Variants in OPCML observed in about 807,000 individuals in gnomAD.
OPCML encodes the protein opioid-binding protein/cell adhesion molecule.
OPCML carries 13 observed loss-of-function variants against 37.8 expected under a neutral mutation model. That is an observed-to-expected ratio of 0.34 (90% CI 0.22 to 0.55). The LOEUF is 0.55. Ranked by LOEUF, OPCML falls within the 20% of genes least tolerant of loss-of-function variation. OPCML has a pLI of 0.91. For synonymous variants in OPCML, 176 were observed against 168.8 expected (o/e 1.04, Z -0.33); for missense variants, 341 against 435.6 (o/e 0.78, Z 1.93).
intron 4 of OPCML, among the ~76,000 whole-genome samples, chr11:132,515,157 T>C (rs971565295): frequency 3.3e-5 from 5 of 152,132 alleles, no homozygotes; most frequent in African/African-American, 7.2e-5. Flanking sequence ...TTACTAAATC[T>C]TTCTCTTAGG....
intron 2 of OPCML, among the ~76,000 whole-genome samples, chr11:132,763,928 C>A (rs1409561241): frequency 6.6e-6 from 1 of 152,206 alleles, no homozygotes; most frequent in African/African-American, 2.4e-5. Flanking sequence ...AATAAATCAA[C>A]TTGTGAATAT....
chr11:132,663,833 G>T (rs1473961231), intron 2 of OPCML, among the ~76,000 whole-genome samples: 2 of 152,054 alleles, frequency 1.3e-5, no homozygotes, highest in Non-Finnish European at 2.9e-5. Context: ...GTTTGTTTTT[G>T]TTTTTGTTTT....
At chr11:132,425,278 T>G (rs902603980) in intron 7 of OPCML, among the ~76,000 whole-genome samples, 1 of 151,596 alleles carries the variant, frequency 6.6e-6, no homozygotes, top group Non-Finnish European at 1.5e-5. Context: ...ATATTTTTTT[T>G]AAACCATCAG....
At chr11:133,475,059 C>T (rs958165003) in intron 1 of OPCML, among the ~76,000 whole-genome samples, 1 of 152,128 alleles carries the variant, frequency 6.6e-6, no homozygotes, top group Non-Finnish European at 1.5e-5. Context: ...AGGCCTGAAA[C>T]AAGGAGGCCC....
At chr11:132,651,216 A>C (rs1941412180) in intron 3 of OPCML, among the ~76,000 whole-genome samples, 1 of 152,052 alleles carries the variant, frequency 6.6e-6, no homozygotes, top group South Asian at 2.1e-4. Flanking sequence ...TGTGTTGAAC[A>C]CTCTGGTGGC....
At chr11:132,733,601 T>C (rs1487430009) in intron 2 of OPCML, among the ~76,000 whole-genome samples, 1 of 152,194 alleles carries the variant, frequency 6.6e-6, no homozygotes, top group East Asian at 1.9e-4. Flanking sequence ...CAGCTGGAGC[T>C]AGAGACCACA....
intron 3 of OPCML, among the ~76,000 whole-genome samples, chr11:132,538,793 C>T (rs2096347735): frequency 1.3e-5 from 2 of 152,164 alleles, no homozygotes; most frequent in African/African-American, 4.8e-5. Flanking sequence ...TCGCATTGCC[C>T]TAGTCACATC....
chr11:132,831,742 G>A (rs979699528), intron 2 of OPCML, among the ~76,000 whole-genome samples: 1 of 144,218 alleles, frequency 6.9e-6, no homozygotes, highest in African/African-American at 2.6e-5. Context: ...CTCTCTTCAA[G>A]TTTCAAACAC....
intron 2 of OPCML, chr11:132,772,186 G>T (rs570087811): frequency 1.3e-5 from 2 of 152,320 alleles, no homozygotes; most frequent in East Asian, 1.9e-4. Flanking sequence ...CTAGCAAAAA[G>T]AGGAAGAGTA....
intron 1 of OPCML, among the ~76,000 whole-genome samples, chr11:133,365,046 T>A (rs1944508104): frequency 9.0e-6 from 1 of 111,674 alleles, no homozygotes; most frequent in South Asian, 3.1e-4. Flanking sequence ...TCTCTCTCTC[T>A]TTCACACACA....
At chr11:132,992,858 G>A (rs1213020630) in intron 1 of OPCML, among the ~76,000 whole-genome samples, 1 of 152,198 alleles carries the variant, frequency 6.6e-6, no homozygotes, top group Non-Finnish European at 1.5e-5. Flanking sequence ...CTTGTTACCA[G>A]CAGAAGATTA....
chr11:132,666,591 C>G (rs1453709322), intron 2 of OPCML, among the ~76,000 whole-genome samples: 1 of 152,198 alleles, frequency 6.6e-6, no homozygotes, highest in African/African-American at 2.4e-5. Flanking sequence ...AGTCTAGAGA[C>G]TAGGCCACTC....
chr11:133,031,018 A>G (rs1349755505), intron 1 of OPCML, among the ~76,000 whole-genome samples: 2 of 152,228 alleles, frequency 1.3e-5, no homozygotes. Flanking sequence ...TAGCTTGAGT[A>G]GGATATAATT....
intron 1 of OPCML, among the ~76,000 whole-genome samples, chr11:133,468,670 A>G (rs1171391375): frequency 6.6e-6 from 1 of 152,208 alleles, no homozygotes; most frequent in Admixed American, 6.5e-5. Flanking sequence ...CCTTGGCCCC[A>G]AGGGACAATA....
At chr11:133,285,083 A>T (rs913209644) in intron 1 of OPCML, among the ~76,000 whole-genome samples, 13 of 152,170 alleles carry the variant, frequency 8.5e-5, no homozygotes, top group African/African-American at 2.7e-4. Context: ...GAGTAATGAG[A>T]GACCTCATGA....
rs545213962 is a variant in OPCML, at chr11:133,356,312, C to T, written c.61+175952G>A. On this transcript the variant is annotated intron_variant, in intron 1 of 7. Coordinates refer to ENST00000524381, the MANE Select transcript of OPCML (RefSeq NM_001012393.5). The stretch of plus-strand genomic sequence containing the variant: ...TGTTTTCTATTTTGTGATTATGTTC[C>T]GCAGTTTATGCTCTGAGCTGCTGAG... 2.5e-4 allele frequency among the ~76,000 whole-genome samples: 38 copies of T among 152,270 alleles called. No individual in the cohort carries two copies. In the South Asian group the frequency reaches 6.8e-3, roughly 27 times the overall value.
chr11:132,764,771 G>C (rs1043238644), intron 2 of OPCML, among the ~76,000 whole-genome samples: 2 of 152,220 alleles, frequency 1.3e-5, no homozygotes, highest in African/African-American at 4.8e-5. Flanking sequence ...CAATGCAGGG[G>C]AAGTGGCTTT....
chr11:132,805,152 T>A (rs1938923663), intron 2 of OPCML, among the ~76,000 whole-genome samples: 1 of 152,106 alleles, frequency 6.6e-6, no homozygotes, highest in Non-Finnish European at 1.5e-5. Flanking sequence ...AGAAACTAAC[T>A]GGATGGACTC....
intron 3 of OPCML, among the ~76,000 whole-genome samples, chr11:132,614,955 A>C (rs1938901033): frequency 6.6e-6 from 1 of 152,242 alleles, no homozygotes; most frequent in Non-Finnish European, 1.5e-5. Context: ...ATTGCCAGTC[A>C]GCTGATTAGC....
Sources: allele counts gnomAD v4.1 joint callset (sites outside exome capture counted in the v4.1 genomes callset), GRCh38; gene constraint gnomAD v4.1.1; transcripts MANE v1.5; gene names NCBI Gene and HGNC (gene_info 2026-07-23, HGNC 2026-07-21).